The following VPS13B variants were observed in gnomAD, a reference collection of about 807,000 sequenced individuals.
The protein encoded by VPS13B is vacuolar protein sorting 13 homolog B.
VPS13B carries 285 observed loss-of-function variants against 426.4 expected under a neutral mutation model. The observed-to-expected ratio is 0.67, with a 90% CI of 0.61 to 0.74. The LOEUF (loss-of-function observed/expected upper bound fraction) is 0.74, where lower values mean the gene tolerates loss of function less well. Ranked by LOEUF, VPS13B falls within the 30% of genes least tolerant of loss-of-function variation. The pLI, the probability that VPS13B is intolerant of heterozygous loss-of-function variation, is 0.00. For synonymous variants in VPS13B, 1,676 were observed against 1,676.4 expected, an observed-to-expected ratio of 1.00 and a Z score of 0.01; for missense variants, 4,537 against 4,782.6, an observed-to-expected ratio of 0.95 and a Z score of 1.51.
At chr8:99,632,597 G>T (rs941445936) in intron 33 of VPS13B, among the ~76,000 whole-genome samples, 2 of 151,894 alleles carry the variant, frequency 1.3e-5, no homozygotes, top group African/African-American at 4.8e-5. Flanking sequence ...TGTGTGGAAG[G>T]TCATTTTGGT....
chr8:99,104,560 C>A (rs1489212929), intron 5 of VPS13B, among the ~76,000 whole-genome samples: 2 of 141,050 alleles, frequency 1.4e-5, no homozygotes, highest in African/African-American at 2.6e-5. Flanking sequence ...TCCCCACCGT[C>A]CCCCCTCCCC....
chr8:99,030,135 C>CTTTTTTTT (rs58542671), intron 2 of VPS13B, among the ~76,000 whole-genome samples: 97 of 75,708 alleles, frequency 1.3e-3, no homozygotes, highest in Non-Finnish European at 1.7e-3. Flanking sequence ...AAAATACATG[C>CTTTTTTTT]TTTTTTTTTT....
intron 17 of VPS13B, among the ~76,000 whole-genome samples, chr8:99,242,274 G>A (rs975264463): frequency 5.3e-5 from 8 of 152,232 alleles, no homozygotes; most frequent in East Asian, 3.9e-4. Flanking sequence ...ATGAGCCACC[G>A]CGCCAGGCCC....
chr8:99,431,651 A>G lies in VPS13B; in HGVS notation c.3197A>G (p.His1066Arg). The change falls in exon 22 of 62, where the codon CAT becomes CGT. Residue 1066 changes from histidine to arginine, a missense_variant. By Grantham distance (29) the His-to-Arg change is conservative (BLOSUM62 0). Transcript: ENST00000357162. ...GGAATTGTTTGGAATGCAGTGAAGC[A>G]TCTCACACTACAGGTAAAATAAAAG... is the stretch of plus-strand genomic sequence containing the variant. ...FIGIVWNAVK[H>R]LTLQLEVQSC... The G allele has an allele frequency of 1.2e-6, 2 of 1,613,188 alleles. No homozygotes were observed. The highest frequency in any genetic ancestry group is 8.5e-7 in the Non-Finnish European group (1 of 1,179,582).
At chr8:99,173,539 A>G (rs925951688) in intron 16 of VPS13B, among the ~76,000 whole-genome samples, 2 of 152,216 alleles carry the variant, frequency 1.3e-5, no homozygotes, top group Non-Finnish European at 2.9e-5. Context: ...GTTTTTAATG[A>G]ACCTGGAGAT....
intron 15 of VPS13B, among the ~76,000 whole-genome samples, chr8:99,158,393 TGTG>T (rs144635745): frequency 0.015 from 2,302 of 151,668 alleles, 23 homozygotes; most frequent in Non-Finnish European, 0.02. Context: ...ATTAGCCGGG[TGTG>T]GTGGTGTGTG....
chr8:99,373,610 G>A (rs1813313402), intron 19 of VPS13B, among the ~76,000 whole-genome samples: 1 of 152,192 alleles, frequency 6.6e-6, no homozygotes, highest in Non-Finnish European at 1.5e-5. Context: ...AGCACTTTGG[G>A]AGGCTGAGGT....
intron 33 of VPS13B, among the ~76,000 whole-genome samples, chr8:99,604,483 A>C (rs1273608662): frequency 7.0e-6 from 1 of 142,682 alleles, no homozygotes; most frequent in African/African-American, 2.6e-5. Flanking sequence ...AGTTTCTCAT[A>C]GTTTCCTTGG....
chr8:99,628,107 C>T (rs568354373), intron 33 of VPS13B, among the ~76,000 whole-genome samples: 5 of 152,292 alleles, frequency 3.3e-5, no homozygotes, highest in South Asian at 2.1e-4. Flanking sequence ...ATTTTAACTC[C>T]GTGTCGACTA....
At chr8:99,122,849 A>T (rs888141623) in intron 8 of VPS13B, among the ~76,000 whole-genome samples, 3 of 152,126 alleles carry the variant, frequency 2.0e-5, no homozygotes, top group Admixed American at 2.0e-4. Flanking sequence ...GTGGTGGCTC[A>T]CGCCTGTAAT....
chr8:99,678,198 A>T (rs1185195201), intron 35 of VPS13B, among the ~76,000 whole-genome samples: 1 of 152,110 alleles, frequency 6.6e-6, no homozygotes, highest in Non-Finnish European at 1.5e-5. Flanking sequence ...ATGATAGGAA[A>T]AATTTTCTGG....
At chr8:99,365,616 A>G (rs1257605712) in intron 19 of VPS13B, among the ~76,000 whole-genome samples, 3 of 147,474 alleles carry the variant, frequency 2.0e-5, no homozygotes, top group Non-Finnish European at 3.0e-5. Context: ...TCCCGGGTTC[A>G]AGCGATTCTT....
intron 14 of VPS13B, among the ~76,000 whole-genome samples, chr8:99,150,828 TA>T (rs760930990): frequency 4.6e-5 from 7 of 152,210 alleles, no homozygotes; most frequent in Non-Finnish European, 8.8e-5. Flanking sequence ...GAGTTGTGAG[TA>T]AAACAGGCAT....
intron 14 of VPS13B, among the ~76,000 whole-genome samples, chr8:99,150,931 T>C (rs1240605083): frequency 6.6e-6 from 1 of 152,186 alleles, no homozygotes; most frequent in African/African-American, 2.4e-5. Context: ...ATGCTAAAAG[T>C]ATGTTTAGTT....
chr8:99,859,608 G>A (rs1236357144), intron 57 of VPS13B, 128 bp downstream of exon 57: 6 of 1,245,980 alleles, frequency 4.8e-6, no homozygotes, highest in African/African-American at 1.5e-5. Context: ...AGCTTGCAGT[G>A]AGAGTTTGGG....
chr8:99,094,437 CT>C (rs1253715134), intron 3 of VPS13B, among the ~76,000 whole-genome samples: 1 of 152,092 alleles, frequency 6.6e-6, no homozygotes, highest in African/African-American at 2.4e-5. Context: ...CAGAAGATGT[CT>C]TTATGAATAT....
At chr8:99,867,495 G>A (rs1354866733) in intron 58 of VPS13B, among the ~76,000 whole-genome samples, 15 of 152,120 alleles carry the variant, frequency 9.9e-5, no homozygotes, top group Admixed American at 9.8e-4. Flanking sequence ...AGAGAGAAAG[G>A]TTTTCCAAGA....
chr8:99,595,684 C>A (rs1348121284), intron 33 of VPS13B, among the ~76,000 whole-genome samples: 1 of 151,838 alleles, frequency 6.6e-6, no homozygotes, highest in Non-Finnish European at 1.5e-5. Flanking sequence ...AGTGAAAAGA[C>A]AACCCATAGA....
chr8:99,507,069 T>C, intron 27 of VPS13B, 68 bp from the exon 28 acceptor site: 1 of 1,537,524 alleles, frequency 6.5e-7, no homozygotes, highest in South Asian at 1.1e-5. Context: ...TTGAAATAGT[T>C]ATGTATGTTC....
Sources: allele counts gnomAD v4.1 joint callset (sites outside exome capture counted in the v4.1 genomes callset), GRCh38; gene constraint gnomAD v4.1.1; transcripts MANE v1.5; gene names NCBI Gene and HGNC (gene_info 2026-07-23, HGNC 2026-07-21).